MMP1: variants seen among roughly 807,000 people sequenced by gnomAD.
The protein encoded by MMP1 is interstitial collagenase.
Under a neutral mutation model 49.6 loss-of-function variants are expected in MMP1, and 51 were observed. That is an observed-to-expected ratio of 1.03 (90% confidence interval 0.82 to 1.30). MMP1 has a LOEUF of 1.30. MMP1 is among the 50% of genes most tolerant of loss of function. The pLI is 0.00. For missense variants in MMP1, 623 were observed against 568.7 expected (o/e 1.10, Z -0.97); for synonymous variants, 230 against 196.8 (o/e 1.17, Z -1.41).
At position 102,796,792 on chromosome 11, in the gene MMP1, G is replaced by A. The variant is rs1222134370; in HGVS notation, c.500-3C>T. On this transcript the variant is annotated splice_region_variant and splice_polypyrimidine_tract_variant and intron_variant, in intron 3 of 9. Transcript: ENST00000315274. The stretch of plus-strand genomic sequence containing the variant: ...AAAAGGAGAGTTGTCCCGATGATCT[G>A]AAAGAAACAATTCAACAAAGATTCC... The A allele has an allele frequency of 1.2e-6, 2 of 1,611,504 alleles. No homozygotes were observed. Among genetic ancestry groups the A allele is most frequent in the Non-Finnish European group, 1.7e-6 (2 of 1,179,344 alleles).
rs745629540 is a variant in MMP1 at position 102,797,944 on chromosome 11, A to G, written c.105+44T>C. ...CTATTACATTACTGCAGAAAAATAC[A>G]AACTAAAAATTTACATTATTGTCAC... On this transcript the variant is annotated intron_variant, in intron 1 of 9. Coordinates refer to ENST00000315274, the MANE Select transcript of MMP1 (RefSeq NM_002421.4). 4.2e-6 allele frequency: 6 copies of G among 1,433,054 alleles called. No homozygotes were observed. In the East Asian group the frequency reaches 6.9e-5, roughly 16 times the overall value. The allele number at this position is 1,433,054 out of a possible 1,614,324, so 88.8% of individuals were successfully genotyped here.
chr11:102,791,014 AG>A (rs1484753018), intron 8 of MMP1, among the ~76,000 whole-genome samples: 10 of 152,264 alleles, frequency 6.6e-5, no homozygotes, highest in African/African-American at 2.4e-4. Flanking sequence ...CGAATTCTCC[AG>A]TAGGTTCTAC....
intron 6 of MMP1, 63 bp from the exon 7 acceptor site, chr11:102,792,801 A>T: frequency 5.4e-6 from 8 of 1,471,308 alleles, no homozygotes; most frequent in Non-Finnish European, 6.6e-6. Context: ...GCAGATATCC[A>T]GCTCCAGCTC....
chr11:102,797,725 G>A (rs1386636709), intron 1 of MMP1, among the ~76,000 whole-genome samples: 1 of 152,072 alleles, frequency 6.6e-6, no homozygotes, highest in Non-Finnish European at 1.5e-5. Flanking sequence ...AGCAATTTTT[G>A]TAGAGCAAGA....
Position 102,797,470 on chromosome 11 carries a change from T to G in MMP1, c.136A>C (p.Asn46His). The G allele has an allele frequency of 6.2e-7, 1 of 1,614,178 alleles. No homozygotes were observed. Among genetic ancestry groups the G allele is most frequent in the Non-Finnish European group, 8.5e-7 (1 of 1,180,024 alleles). Residue 46 changes from asparagine to histidine, a missense_variant, in exon 2 of 10, where the codon AAT becomes CAT. Asn to His is a moderately conservative substitution (Grantham distance 68, BLOSUM62 1). Transcript: ENST00000315274. ...KYLEKYYNLK[N>H]DGRQVEKRRN... The stretch of plus-strand genomic sequence containing the variant: ...CGCTTTTCAACTTGCCTCCCATCAT[T>G]CTTCAGGTTGTAGTATTTTTCCAGG...
chr11:102,790,886 G>A, intron 8 of MMP1, 80 bp from the exon 9 acceptor site: 1 of 807,966 alleles, frequency 1.2e-6, no homozygotes, highest in Non-Finnish European at 2.1e-6. Flanking sequence ...AATACACAAT[G>A]AGGAATTTAA....
Position 102,790,535 on chromosome 11 carries a change from A to T in MMP1, c.1301-14T>A. On this transcript the variant is annotated splice_polypyrimidine_tract_variant and intron_variant, in intron 9 of 9. Transcript: ENST00000315274. ...AATAGAAAAATCCTAGAAACAAAAC[A>T]AAAGAGACTTACTACATTATACAAG... 1 of 1,511,230 alleles carries T rather than the reference A, an allele frequency of 6.6e-7. No homozygotes were observed. Among genetic ancestry groups the T allele is most frequent in the Non-Finnish European group, 9.1e-7 (1 of 1,097,016 alleles). 93.6% of individuals were successfully genotyped at this position (1,511,230 alleles called of 1,614,324 possible). A position where few individuals can be genotyped will look rare whatever the true frequency, so the allele number is the denominator to read the frequency against.
At chr11:102,796,159 C>G (rs1179547549) in intron 4 of MMP1, among the ~76,000 whole-genome samples, 1 of 152,160 alleles carries the variant, frequency 6.6e-6, no homozygotes, top group Non-Finnish European at 1.5e-5. Context: ...CCATATTGGT[C>G]AGGCTGGTGT....
intron 4 of MMP1, 72 bp downstream of exon 4, chr11:102,796,592 C>T (rs1421285181): frequency 6.6e-7 from 1 of 1,525,328 alleles, no homozygotes; most frequent in Non-Finnish European, 8.8e-7. Context: ...ATTCTTTCAA[C>T]TAAATCAACC....
At position 102,797,369 on chromosome 11, in the gene MMP1, T is replaced by C; in HGVS notation, c.237A>G (p.Pro79=). 1 of 1,614,210 alleles carries C rather than the reference T, an allele frequency of 6.2e-7. No individual in the cohort carries two copies. The highest frequency in any genetic ancestry group is 8.5e-7 in the Non-Finnish European group (1 of 1,180,036). ...EFFGLKVTGK[P]DAETLKVMKQ... The stretch of plus-strand genomic sequence containing the variant: ...TCATCACCTTCAGGGTTTCAGCATC[T>C]GGTTTCCCAGTCACTTTCAGCCCAA... Residue 79 remains proline (P), a synonymous_variant, in exon 2 of 10, where the codon CCA becomes CCG. Transcript: ENST00000315274.
intron 8 of MMP1, among the ~76,000 whole-genome samples, 191 bp from the exon 9 acceptor site, chr11:102,790,997 C>A (rs1311267185): frequency 5.9e-5 from 9 of 152,198 alleles, no homozygotes; most frequent in Admixed American, 2.0e-4. Context: ...CCTCTGAAAT[C>A]CAGCATCGAA....
rs1857995834 is a variant in MMP1 at position 102,790,520 on chromosome 11, T to C, written c.1302A>G (p.Gly434=). 5.1e-6 allele frequency: 8 copies of C among 1,572,674 alleles called. No individual in the cohort carries two copies. The highest frequency in any genetic ancestry group is 6.9e-6 in the Non-Finnish European group (8 of 1,151,220). Residue 434 remains glycine (G), a splice_region_variant and synonymous_variant, in exon 10 of 10, where the codon GGA becomes GGG. Transcript: ENST00000315274. ...TTGTTCCATGAAAGAAATAGAAAAATCCTAGAAACAAAACAAAAGAGACTT... is the reference window on the plus strand; with the variant it reads ...TTGTTCCATGAAAGAAATAGAAAAACCCTAGAAACAAAACAAAAGAGACTT... ...HKVDAVFMKD[G]FFYFFHGTRQ... is the part of the protein sequence containing the mutation.
intron 6 of MMP1, among the ~76,000 whole-genome samples, chr11:102,793,536 C>G (rs1858092863): frequency 1.3e-5 from 2 of 152,284 alleles, no homozygotes; most frequent in South Asian, 4.2e-4. Flanking sequence ...CCAACTGGAC[C>G]ATGACTCTAA....
rs747509754 is a variant in MMP1, at chr11:102,790,722, A to G, written c.1281T>C (p.Asp427=). The G allele has an allele frequency of 2.5e-6, 4 of 1,611,488 alleles. No homozygotes were observed. The East Asian group carries it at 6.7e-5, about 27-fold the overall frequency. The stretch of plus-strand genomic sequence containing the variant: ...ACTTACCATCTTTCATGAAAACTGC[A>G]TCAACTTTGTGGCCAATTCCAGGAA... ...HDFPGIGHKV[D]AVFMKDGFFY... The change falls in exon 9 of 10, where the codon GAT becomes GAC. Residue 427 remains aspartate, a synonymous_variant. Coordinates refer to ENST00000315274, the MANE Select transcript of MMP1 (RefSeq NM_002421.4).
rs760055891 is a variant in MMP1, at chr11:102,790,489, A to T, written c.1333T>A (p.Tyr445Asn). ...CTCTTCGTTTTAGGATCAAATTTGT[A>T]TTGTCTTGTTCCATGAAAGAAATAG... ...FFYFFHGTRQ[Y>N]KFDPKTKRIL... Residue 445 changes from tyrosine to asparagine, a missense_variant, in exon 10 of 10, where the codon TAC (tyrosine) becomes AAC (asparagine). Coordinates refer to ENST00000315274, the MANE Select transcript of MMP1 (RefSeq NM_002421.4). 3 of 1,609,328 alleles carry T rather than the reference A, an allele frequency of 1.9e-6. No individual in the cohort carries two copies. The highest frequency in any genetic ancestry group is 2.2e-5 in the East Asian group (1 of 44,788).
Position 102,794,655 on chromosome 11 carries a change from T to G in MMP1, c.899+519A>C, listed in dbSNP as rs1185408374. Among the ~76,000 whole-genome samples the G allele has an allele frequency of 1.3e-5, 2 of 152,178 alleles. No homozygotes were observed. The highest frequency in any genetic ancestry group is 2.9e-5 in the Non-Finnish European group (2 of 68,036). ...GGCCTCCAGGGGGCAACAGAGACCC[T>G]TCAAGTTAATAGGCTTTGGGAGGGC... On this transcript the variant is annotated intron_variant, in intron 6 of 9. Transcript: ENST00000315274. This position sits in a 1 kb window ranked among gnomAD's most constrained non-coding sequence, Gnocchi z 4.3.
chr11:102,790,452 A>G lies in MMP1; in HGVS notation c.1370T>C (p.Leu457Pro). Reference protein sequence around the residue: ...FDPKTKRILTLQKANSWFNCR... With the variant: ...FDPKTKRILTPQKANSWFNCR... ...GTTGAACCAGCTATTAGCTTTCTGG[A>G]GAGTCAAAATTCTCTTCGTTTTAGG... Residue 457 changes from leucine (L) to proline (P), a missense_variant, in exon 10 of 10, where the codon CTC (leucine) becomes CCC (proline). Leu to Pro is a moderately conservative substitution (Grantham distance 98). Transcript: ENST00000315274. 5 of 1,610,932 alleles carry G rather than the reference A, an allele frequency of 3.1e-6. No homozygotes were observed. The highest frequency in any genetic ancestry group is 4.2e-6 in the Non-Finnish European group (5 of 1,178,348).
At position 102,790,189 on chromosome 11, in the gene MMP1, A is replaced by C; in HGVS notation, c.*223T>G. 1 of 364,376 alleles carries C rather than the reference A, an allele frequency of 2.7e-6. No homozygotes were observed. Among genetic ancestry groups the C allele is most frequent in the South Asian group, 5.4e-5 (1 of 18,416 alleles). The allele number at this position is 364,376 out of a possible 1,614,324, so 22.6% of individuals were successfully genotyped here. On this transcript the variant is annotated 3_prime_UTR_variant, in exon 10 of 10. Transcript: ENST00000315274. ...GGCCTATATGAATCCATAAGCCACAAACTTGACTTTTTGTACCCACCATTT... is the reference window on the plus strand; with the variant it reads ...GGCCTATATGAATCCATAAGCCACACACTTGACTTTTTGTACCCACCATTT...
In MMP1 at chr11:102,790,702, C is replaced by A. The variant is rs61753766; in HGVS notation, c.1300+1G>T. 77 of 1,596,048 alleles carry A rather than the reference C, an allele frequency of 4.8e-5. No homozygotes were observed. Among genetic ancestry groups the A allele is most frequent in the Non-Finnish European group, 5.8e-5 (67 of 1,163,828 alleles). On this transcript the variant is annotated splice_donor_variant, in intron 9 of 9. Transcript: ENST00000315274. LOFTEE classifies it high-confidence loss of function. ...GAGGAAATACATGTATATTCACTTA[C>A]CATCTTTCATGAAAACTGCATCAAC... is the stretch of plus-strand genomic sequence containing the variant.
Sources: allele counts gnomAD v4.1 joint callset (sites outside exome capture counted in the v4.1 genomes callset), GRCh38; gene constraint gnomAD v4.1.1; non-coding constraint Gnocchi (gnomAD v3.1); transcripts MANE v1.5; gene names NCBI Gene and HGNC (gene_info 2026-07-23, HGNC 2026-07-21).